The following RANBP2 variants were observed in gnomAD, a reference collection of about 807,000 sequenced individuals.
The protein encoded by RANBP2 is E3 SUMO-protein ligase RanBP2.
RANBP2 carries 57 observed loss-of-function variants against 303.6 expected under a neutral mutation model. The ratio of observed to expected loss-of-function variants is 0.19; its 90% CI spans 0.15 to 0.23. The LOEUF (loss-of-function observed/expected upper bound fraction) is 0.23, where lower values mean the gene tolerates loss of function less well. Among genes scored for constraint, RANBP2 ranks in the 10% least tolerant of loss-of-function variants. The pLI is 1.00. For missense variants in RANBP2, 3,138 were observed against 3,780.8 expected, an observed-to-expected ratio of 0.83 and a Z score of 4.46; for synonymous variants, 1,167 against 1,301.5, an observed-to-expected ratio of 0.90 and a Z score of 2.23.
At chr2:109,103,288 T>C in the RANBP2 span, among the ~76,000 whole-genome samples, 1 of 152,224 alleles carries the variant, frequency 6.6e-6, no homozygotes, top group African/African-American at 2.4e-5. Context: ...GAGCCAAACA[T>C]GAGGACCAAG....
At chr2:109,499,908 C>A in the RANBP2 span, among the ~76,000 whole-genome samples, 7 of 152,276 alleles carry the variant, frequency 4.6e-5, no homozygotes. Context: ...GTTCAATTGG[C>A]ACACAAGTGA....
At chr2:109,452,276 T>C in the RANBP2 span, among the ~76,000 whole-genome samples, 119 of 152,284 alleles carry the variant, frequency 7.8e-4, no homozygotes, top group African/African-American at 2.8e-3. Context: ...GCAGGCCGCT[T>C]CCTGAGCCCC....
the RANBP2 span, among the ~76,000 whole-genome samples, chr2:109,162,025 C>T: frequency 1.3e-5 from 2 of 152,142 alleles, no homozygotes; most frequent in African/African-American, 4.8e-5. Context: ...CTCCAGCCCC[C>T]TCCTTGGGAT....
the RANBP2 span, chr2:108,910,330 G>C: frequency 1.9e-5 from 14 of 739,230 alleles, no homozygotes; most frequent in African/African-American, 2.4e-4. Context: ...GGTGGGGACT[G>C]TCTGTCGCCG....
chr2:108,981,183 G>A, the RANBP2 span, among the ~76,000 whole-genome samples: 1 of 152,200 alleles, frequency 6.6e-6, no homozygotes, highest in East Asian at 1.9e-4. Context: ...AAGTTACCCA[G>A]CAATGATGAT....
the RANBP2 span, among the ~76,000 whole-genome samples, chr2:109,325,204 C>T: frequency 6.6e-6 from 1 of 152,112 alleles, no homozygotes; most frequent in South Asian, 2.1e-4. Context: ...TGTCTCACTT[C>T]ATCCCTCCAG....
the RANBP2 span, among the ~76,000 whole-genome samples, chr2:108,997,941 C>T: frequency 2.6e-5 from 4 of 152,168 alleles, no homozygotes; most frequent in Non-Finnish European, 5.9e-5. Context: ...CTCTGAACAT[C>T]CTGGCATGAG....
the RANBP2 span, among the ~76,000 whole-genome samples, chr2:109,113,326 G>C: frequency 6.6e-6 from 1 of 151,918 alleles, no homozygotes; most frequent in East Asian, 1.9e-4. Context: ...GTGGTTTGTA[G>C]TTCTCCTTGA....
the RANBP2 span, among the ~76,000 whole-genome samples, chr2:109,568,857 G>T: frequency 2.0e-5 from 3 of 152,100 alleles, no homozygotes; most frequent in Admixed American, 2.0e-4. Flanking sequence ...GAAACTGTAT[G>T]TACTACTATC....
rs199659469 is a variant in RANBP2 at position 108,753,003 on chromosome 2, C to A, written c.1761C>A (p.Ser587Arg). 5.6e-6 allele frequency: 9 copies of A among 1,607,832 alleles called. No individual in the cohort carries two copies. The highest frequency in any genetic ancestry group is 4.5e-5 in the East Asian group (2 of 44,738). ...CTTTTAACTTTCTTTTTTAGGGCAG[C>A]GGTCTTAATTCTTTTTATGATCAAC... The part of the protein sequence containing the change: ...HWAECLQKTG[S>R]GLNSFYDQRE... Residue 587 changes from serine to arginine, a missense_variant, in exon 13 of 29, where the codon AGC becomes AGA. This residue lies in a region of RANBP2 where 162 missense variants were observed against 286.9 expected (regional missense o/e 0.56). Transcript: ENST00000283195.
chr2:109,543,923 C>A, the RANBP2 span: 1 of 526,706 alleles, frequency 1.9e-6, no homozygotes, highest in South Asian at 2.4e-5. Context: ...TTCACATCCA[C>A]CTTATACATA....
At chr2:109,575,960 A>G in the RANBP2 span, among the ~76,000 whole-genome samples, 1 of 152,180 alleles carries the variant, frequency 6.6e-6, no homozygotes, top group Non-Finnish European at 1.5e-5. Context: ...TGTATTTTCC[A>G]CCAGAACTAG....
At chr2:109,446,586 T>C in the RANBP2 span, among the ~76,000 whole-genome samples, 1 of 152,198 alleles carries the variant, frequency 6.6e-6, no homozygotes, top group African/African-American at 2.4e-5. Flanking sequence ...ATCTGAGCCT[T>C]CCAGGCACCC....
the RANBP2 span, among the ~76,000 whole-genome samples, chr2:109,416,416 G>A: frequency 1.3e-5 from 2 of 152,140 alleles, no homozygotes; most frequent in African/African-American, 4.8e-5. Flanking sequence ...CCAACATGGC[G>A]AAACCCCCCC....
the RANBP2 span, among the ~76,000 whole-genome samples, chr2:109,275,107 T>C: frequency 6.6e-6 from 1 of 152,292 alleles, no homozygotes; most frequent in South Asian, 2.1e-4. Context: ...GAAAATGTGT[T>C]CCACGCTTGT....
chr2:108,734,014 C>G (rs1695374442), intron 4 of RANBP2, among the ~76,000 whole-genome samples: 1 of 150,844 alleles, frequency 6.6e-6, no homozygotes, highest in Non-Finnish European at 1.5e-5. Flanking sequence ...TGAGATAGAA[C>G]TTTTTAAAAA....
At chr2:109,273,310 G>A in the RANBP2 span, among the ~76,000 whole-genome samples, 1 of 152,238 alleles carries the variant, frequency 6.6e-6, no homozygotes, top group East Asian at 1.9e-4. Flanking sequence ...TGGAGGCAGA[G>A]TCTTCCTGAG....
At chr2:109,430,570 C>T in the RANBP2 span, among the ~76,000 whole-genome samples, 1 of 152,122 alleles carries the variant, frequency 6.6e-6, no homozygotes, top group African/African-American at 2.4e-5. Flanking sequence ...TTCACCTCTC[C>T]CCGTTCTCCT....
At chr2:109,613,984 C>T in the RANBP2 span, 1 of 1,163,884 alleles carries the variant, frequency 8.6e-7, no homozygotes, top group East Asian at 3.8e-5. Flanking sequence ...CGGGGCCGAG[C>T]TGGAGGCCTC....
Sources: gnomAD v4.1 joint callset for allele counts (sites outside exome capture counted in the v4.1 genomes callset) on GRCh38, gnomAD v4.1.1 for gene constraint, gnomAD v4.1.1 regional missense constraint, MANE v1.5 for transcripts, NCBI Gene and HGNC (gene_info 2026-07-23, HGNC 2026-07-21) for gene names.